The following PCDH15 variants were observed in gnomAD, a reference collection of about 807,000 sequenced individuals.
PCDH15 encodes the protein protocadherin related 15, also known as protocadherin-15.
Under a neutral mutation model 178.5 loss-of-function variants are expected in PCDH15, and 129 were observed. The observed-to-expected ratio is 0.72, with a 90% confidence interval of 0.63 to 0.84. The LOEUF (loss-of-function observed/expected upper bound fraction) is 0.84, where lower values mean the gene tolerates loss of function less well. PCDH15 is among the 40% of genes least tolerant of loss of function. The pLI is 0.00. For synonymous variants in PCDH15, 800 were observed against 732.0 expected, an observed-to-expected ratio of 1.09 and a Z score of -1.50; for missense variants, 2,230 against 2,099.9, an observed-to-expected ratio of 1.06 and a Z score of -1.21.
intron 2 of PCDH15, among the ~76,000 whole-genome samples, chr10:55,000,869 C>A (rs931247738): frequency 6.6e-6 from 1 of 152,020 alleles, no homozygotes; most frequent in Non-Finnish European, 1.5e-5. Context: ...CTCTTGGGGA[C>A]CCAGAGTGAG....
At chr10:54,873,154 C>T (rs1013888486) in intron 3 of PCDH15, among the ~76,000 whole-genome samples, 1 of 152,074 alleles carries the variant, frequency 6.6e-6, no homozygotes, top group African/African-American at 2.4e-5. Context: ...TGAATTGATA[C>T]ACTTTCTAAA....
intron 2 of PCDH15, among the ~76,000 whole-genome samples, chr10:55,075,601 G>A (rs1841868931): frequency 6.6e-6 from 1 of 151,968 alleles, no homozygotes; most frequent in South Asian, 2.1e-4. Flanking sequence ...CTGACCTCGT[G>A]ATCTAGCCGC....
chr10:53,865,658 A>G (rs2079397972), intron 27 of PCDH15, among the ~76,000 whole-genome samples: 1 of 152,160 alleles, frequency 6.6e-6, no homozygotes. Context: ...ACTCTATTGC[A>G]GCTTTACTGT....
chr10:54,973,484 C>A (rs2131896231), intron 2 of PCDH15, among the ~76,000 whole-genome samples: 1 of 152,268 alleles, frequency 6.6e-6, no homozygotes, highest in Middle Eastern at 3.4e-3. Flanking sequence ...CTATTTTGTG[C>A]AGTTAGCTCT....
chr10:55,125,835 C>T (rs1028314063), intron 2 of PCDH15, among the ~76,000 whole-genome samples: 1 of 152,082 alleles, frequency 6.6e-6, no homozygotes, highest in Non-Finnish European at 1.5e-5. Flanking sequence ...TTGCTTTCTG[C>T]AGCAGGTTGG....
intron 18 of PCDH15, among the ~76,000 whole-genome samples, chr10:54,047,840 A>G (rs962662645): frequency 4.6e-5 from 7 of 152,108 alleles, no homozygotes; most frequent in African/African-American, 1.4e-4. Flanking sequence ...GGTTAATTCC[A>G]TAAGTTTGCG....
chr10:54,795,286 C>T (rs1275067262), intron 1 of PCDH15, among the ~76,000 whole-genome samples: 2 of 151,732 alleles, frequency 1.3e-5, no homozygotes, highest in Admixed American at 6.6e-5. Flanking sequence ...AAAACCAGTC[C>T]TTATATTAAG....
At chr10:55,179,636 T>G (rs1839588196) in intron 1 of PCDH15, among the ~76,000 whole-genome samples, 2 of 152,162 alleles carry the variant, frequency 1.3e-5, no homozygotes, top group South Asian at 2.1e-4. Flanking sequence ...GAGAGCTTAG[T>G]TTCTGTCGCT....
intron 1 of PCDH15, among the ~76,000 whole-genome samples, chr10:54,669,060 TA>T (rs2094615838): frequency 6.6e-6 from 1 of 152,140 alleles, no homozygotes; most frequent in East Asian, 1.9e-4. Context: ...AGCTTCAAAC[TA>T]AAAACATGAG....
chr10:53,854,431 A>T, intron 28 of PCDH15, among the ~76,000 whole-genome samples: 1 of 152,046 alleles, frequency 6.6e-6, no homozygotes, highest in Non-Finnish European at 1.5e-5. Context: ...TCACAACAAA[A>T]GGAATGGGGC....
At chr10:54,725,931 G>C (rs1468314560) in intron 1 of PCDH15, among the ~76,000 whole-genome samples, 1 of 151,610 alleles carries the variant, frequency 6.6e-6, no homozygotes, top group Non-Finnish European at 1.5e-5. Flanking sequence ...GATTGTCACA[G>C]GTTAGCATGT....
At chr10:54,080,803 A>G (rs1026319819) in intron 16 of PCDH15, among the ~76,000 whole-genome samples, 1 of 152,190 alleles carries the variant, frequency 6.6e-6, no homozygotes, top group East Asian at 1.9e-4. Flanking sequence ...GAGCATGTTC[A>G]CAACAATTAA....
intron 3 of PCDH15, among the ~76,000 whole-genome samples, chr10:54,826,560 T>C (rs72798506): frequency 0.1 from 15,441 of 151,962 alleles, 1,039 homozygotes; most frequent in Non-Finnish European, 0.14. Flanking sequence ...TGTATATATA[T>C]GTATGTAATA....
At chr10:55,379,116 AT>A (rs1295898769) in intron 2 of PCDH15, among the ~76,000 whole-genome samples, 1 of 151,884 alleles carries the variant, frequency 6.6e-6, no homozygotes, top group Non-Finnish European at 1.5e-5. Context: ...TGATATATAT[AT>A]ATATATGTAT....
rs944553894 is a variant in PCDH15 at position 54,170,545 on chromosome 10, T to C, written c.1590+12899A>G. On this transcript the variant is annotated intron_variant, in intron 13 of 37. Coordinates refer to ENST00000644397, the MANE Select transcript of PCDH15 (RefSeq NM_001384140.1). ...ATATACTTTCTGCTTCCCAGCTCCT[T>C]CAGCTATACTCACTCTTTGTTGAGT... Among the ~76,000 whole-genome samples the C allele has an allele frequency of 6.7e-4, 102 of 151,292 alleles. 1 individual carries two copies. Among genetic ancestry groups the C allele is most frequent in the African/African-American group, 1.1e-3 (44 of 40,640 alleles).
chr10:53,856,243 GA>G (rs1045178399), intron 28 of PCDH15, among the ~76,000 whole-genome samples: 7 of 150,656 alleles, frequency 4.6e-5, no homozygotes, highest in East Asian at 4.0e-4. Context: ...ACCAAAAAAA[GA>G]AAAAAAAATT....
chr10:54,737,729 C>T (rs941753889), intron 1 of PCDH15, among the ~76,000 whole-genome samples: 6 of 151,854 alleles, frequency 4.0e-5, no homozygotes, highest in Non-Finnish European at 8.8e-5. Context: ...GAATCTATGG[C>T]AAATAAATAA....
intron 15 of PCDH15, among the ~76,000 whole-genome samples, chr10:54,115,892 C>G (rs374626692): frequency 2.0e-5 from 3 of 152,236 alleles, no homozygotes; most frequent in African/African-American, 7.2e-5. Context: ...AGACAGAGAG[C>G]TAAACTAGAC....
intron 1 of PCDH15, among the ~76,000 whole-genome samples, chr10:54,732,213 T>C (rs997580134): frequency 2.0e-5 from 3 of 151,250 alleles, no homozygotes; most frequent in African/African-American, 4.8e-5. Flanking sequence ...TTCAAATTCA[T>C]ATTAGGAGAC....
Sources: gnomAD v4.1 joint callset for allele counts (sites outside exome capture counted in the v4.1 genomes callset) on GRCh38, gnomAD v4.1.1 for gene constraint, MANE v1.5 for transcripts, NCBI Gene and HGNC (gene_info 2026-07-23, HGNC 2026-07-21) for gene names.